SLC35F4: variants seen among roughly 807,000 people sequenced by gnomAD.
SLC35F4 encodes the protein chromosome 14 open reading frame 36.
SLC35F4 carries 24 observed loss-of-function variants against 44.2 expected under a neutral mutation model. The ratio of observed to expected loss-of-function variants is 0.54; its 90% CI spans 0.39 to 0.76. The LOEUF is 0.76. Among genes scored for constraint, SLC35F4 ranks in the 30% least tolerant of loss-of-function variants. SLC35F4 has a pLI of 0.00. For missense variants in SLC35F4, 562 were observed against 586.1 expected, an observed-to-expected ratio of 0.96 and a Z score of 0.42; for synonymous variants, 238 against 223.6, an observed-to-expected ratio of 1.06 and a Z score of -0.57.
intron 1 of SLC35F4, among the ~76,000 whole-genome samples, chr14:57,838,679 C>T (rs576500492): frequency 2.6e-5 from 4 of 152,242 alleles, no homozygotes; most frequent in East Asian, 1.9e-4. Flanking sequence ...ACAAGTAGCA[C>T]GTGATCAAGT....
At chr14:57,939,891 G>T (rs956699283) in intron 1 of SLC35F4, among the ~76,000 whole-genome samples, 5 of 152,152 alleles carry the variant, frequency 3.3e-5, no homozygotes, top group African/African-American at 1.2e-4. Context: ...TTAGCAATGT[G>T]CTTCCTGTAT....
intron 4 of SLC35F4, among the ~76,000 whole-genome samples, chr14:57,576,758 A>G (rs2068816054): frequency 6.6e-6 from 1 of 152,192 alleles, no homozygotes; most frequent in African/African-American, 2.4e-5. Flanking sequence ...CTCTCCCTAC[A>G]TGCATGGATT....
intron 1 of SLC35F4, among the ~76,000 whole-genome samples, chr14:57,691,873 T>A (rs1192802818): frequency 6.6e-6 from 1 of 152,062 alleles, no homozygotes; most frequent in East Asian, 1.9e-4. Flanking sequence ...ACAAAGGAGG[T>A]CTCAGTGAGA....
At chr14:57,636,955 A>C (rs560927550) in intron 1 of SLC35F4, among the ~76,000 whole-genome samples, 2 of 152,248 alleles carry the variant, frequency 1.3e-5, no homozygotes, top group South Asian at 2.1e-4. Flanking sequence ...CTGCCAACAA[A>C]ATGCAAGCCA....
At chr14:57,840,778 GT>G (rs1885405427) in intron 1 of SLC35F4, among the ~76,000 whole-genome samples, 1 of 152,236 alleles carries the variant, frequency 6.6e-6, no homozygotes, top group East Asian at 1.9e-4. Flanking sequence ...AATAATGAAT[GT>G]TTTTAAAAGA....
intron 1 of SLC35F4, among the ~76,000 whole-genome samples, chr14:57,884,592 C>T (rs1441842294): frequency 1.3e-5 from 2 of 152,112 alleles, no homozygotes; most frequent in South Asian, 4.1e-4. Flanking sequence ...GTATTACACA[C>T]CTCATGCCAA....
At chr14:57,899,939 C>T (rs558576141) in intron 1 of SLC35F4, among the ~76,000 whole-genome samples, 37 of 152,096 alleles carry the variant, frequency 2.4e-4, no homozygotes, top group South Asian at 4.1e-4. Context: ...GAAGGGGACC[C>T]AAGTGGGTTA....
At chr14:57,945,893 A>G (rs1318299511) in intron 1 of SLC35F4, among the ~76,000 whole-genome samples, 1 of 152,106 alleles carries the variant, frequency 6.6e-6, no homozygotes, top group South Asian at 2.1e-4. Context: ...GTATTTTTTC[A>G]TATGTCTGTT....
chr14:57,702,439 T>C (rs1394671034), intron 1 of SLC35F4, among the ~76,000 whole-genome samples: 1 of 152,178 alleles, frequency 6.6e-6, no homozygotes, highest in Non-Finnish European at 1.5e-5. Context: ...AATATTCTGT[T>C]ACAGTTGTGA....
chr14:57,706,766 C>T (rs1383678468), intron 1 of SLC35F4, among the ~76,000 whole-genome samples: 1 of 151,816 alleles, frequency 6.6e-6, no homozygotes, highest in Admixed American at 6.6e-5. Flanking sequence ...CTGAAATAGG[C>T]CACTGTGGCT....
At chr14:57,678,010 G>A (rs949919601) in intron 1 of SLC35F4, among the ~76,000 whole-genome samples, 11 of 151,940 alleles carry the variant, frequency 7.2e-5, no homozygotes, top group African/African-American at 2.7e-4. Context: ...TCAAATTCAG[G>A]AAATACAGAG....
chr14:57,741,181 C>A (rs948321346), intron 1 of SLC35F4, among the ~76,000 whole-genome samples: 1 of 152,204 alleles, frequency 6.6e-6, no homozygotes, highest in Non-Finnish European at 1.5e-5. Context: ...GCCTCTTCTC[C>A]TCCAAAGGAA....
intron 1 of SLC35F4, among the ~76,000 whole-genome samples, chr14:57,759,709 G>C (rs62003425): frequency 0.034 from 5,213 of 152,074 alleles, 135 homozygotes; most frequent in South Asian, 0.06. Flanking sequence ...CTTTTGTTTC[G>C]GTCAGTGCTA....
intron 1 of SLC35F4, among the ~76,000 whole-genome samples, chr14:57,639,223 A>G (rs2073130741): frequency 6.6e-6 from 1 of 152,096 alleles, no homozygotes; most frequent in African/African-American, 2.4e-5. Flanking sequence ...ACAAGAGATA[A>G]AGACAGATGA....
chr14:57,860,300 G>GA (rs1887569423), intron 1 of SLC35F4, among the ~76,000 whole-genome samples: 1 of 152,068 alleles, frequency 6.6e-6, no homozygotes, highest in South Asian at 2.1e-4. Flanking sequence ...ATGGAGTATA[G>GA]AAAAAACAAA....
intron 1 of SLC35F4, among the ~76,000 whole-genome samples, chr14:57,608,564 C>T (rs1474421337): frequency 6.6e-6 from 1 of 152,132 alleles, no homozygotes; most frequent in African/African-American, 2.4e-5. Context: ...CCTTGGACTT[C>T]CAGCCTTCAG....
chr14:57,773,288 T>G (rs1316747294), intron 1 of SLC35F4, among the ~76,000 whole-genome samples: 2 of 152,228 alleles, frequency 1.3e-5, no homozygotes, highest in Non-Finnish European at 2.9e-5. Context: ...TTTGTTGAGG[T>G]ATGTGCTATG....
At chr14:57,825,747 T>A (rs1328949597) in intron 1 of SLC35F4, among the ~76,000 whole-genome samples, 2 of 152,140 alleles carry the variant, frequency 1.3e-5, no homozygotes, top group African/African-American at 4.8e-5. Flanking sequence ...AGCCAAATCA[T>A]GAATGAACTC....
chr14:57,917,371 A>G (rs1889349894), intron 1 of SLC35F4, among the ~76,000 whole-genome samples: 1 of 151,720 alleles, frequency 6.6e-6, no homozygotes, highest in Non-Finnish European at 1.5e-5. Context: ...CTCTGCTTAC[A>G]TTTTTTTTAT....
Sources: gnomAD v4.1 joint callset for allele counts (sites outside exome capture counted in the v4.1 genomes callset) on GRCh38, gnomAD v4.1.1 for gene constraint, MANE v1.5 for transcripts, NCBI Gene and HGNC (gene_info 2026-07-23, HGNC 2026-07-21) for gene names.